Variants in BNC1 observed in about 807,000 individuals in gnomAD.
BNC1 encodes the protein basonuclin zinc finger protein 1.
A neutral mutation model predicts 66.5 loss-of-function variants in BNC1; 8 were observed. The ratio of observed to expected loss-of-function variants is 0.12; its 90% confidence interval spans 0.07 to 0.22. BNC1 has a LOEUF of 0.22. Ranked by LOEUF, BNC1 falls within the 10% of genes least tolerant of loss-of-function variation. The probability of loss-of-function intolerance (pLI) is 1.00; values close to 1 mark genes in which losing one functional copy is unlikely to be tolerated. For missense variants in BNC1, 1,069 were observed against 1,241.3 expected, an observed-to-expected ratio of 0.86 and a Z score of 2.09; for synonymous variants, 454 against 452.6, an observed-to-expected ratio of 1.00 and a Z score of -0.04.
intron 2 of BNC1, 55 bp downstream of exon 2, chr15:83,268,072 ATAACTC>A (rs1016688401): frequency 4.4e-6 from 6 of 1,374,858 alleles, no homozygotes; most frequent in South Asian, 3.6e-5. Flanking sequence ...CAGTTCCTGA[ATAACTC>A]TAAGTTACTT....
intron 1 of BNC1, among the ~76,000 whole-genome samples, chr15:83,273,853 CATAG>C (rs2038292771): frequency 6.6e-6 from 1 of 152,158 alleles, no homozygotes; most frequent in African/African-American, 2.4e-5. Flanking sequence ...TGGGTATATA[CATAG>C]ATATTCAGTG....
chr15:83,257,635 T>C lies in BNC1; in HGVS notation c.2792A>G (p.His931Arg), dbSNP rs765875423. ...SLPSGLPITC[H>R]LCQKTYSNKG... The stretch of plus-strand genomic sequence containing the variant: ...GTTACTGTATGTCTTTTGGCAGAGA[T>C]GACAGGTTATGGGCAACCCAGAAGG... The change falls in exon 5 of 5, where the codon CAT becomes CGT. Residue 931 changes from histidine to arginine, a missense_variant. Transcript: ENST00000345382. 3.1e-6 allele frequency: 5 copies of C among 1,614,056 alleles called. No homozygotes were observed. Among genetic ancestry groups the C allele is most frequent in the Middle Eastern group, 3.3e-4 (2 of 6,084 alleles).
At chr15:83,265,358 T>C (rs895279489) in intron 3 of BNC1, among the ~76,000 whole-genome samples, 7 of 152,188 alleles carry the variant, frequency 4.6e-5, no homozygotes, top group Non-Finnish European at 7.3e-5. Flanking sequence ...CACTGGAGTG[T>C]TGGAGATCTT....
intron 1 of BNC1, among the ~76,000 whole-genome samples, chr15:83,271,587 A>C (rs2038270000): frequency 2.0e-5 from 3 of 152,350 alleles, no homozygotes; most frequent in Middle Eastern, 6.8e-3. Flanking sequence ...TCCCCAAAGG[A>C]ATAAAAATTG....
chr15:83,273,671 GT>G (rs2038290008), intron 1 of BNC1, among the ~76,000 whole-genome samples: 1 of 152,260 alleles, frequency 6.6e-6, no homozygotes, highest in African/African-American at 2.4e-5. Context: ...GGAAGATTGG[GT>G]TTTGCAGTCT....
At chr15:83,260,320 GT>G (rs1007263731) in intron 4 of BNC1, among the ~76,000 whole-genome samples, 9 of 151,870 alleles carry the variant, frequency 5.9e-5, no homozygotes, top group South Asian at 2.1e-4. Context: ...AAAATGTAGG[GT>G]TTTTTTCATA....
chr15:83,265,585 T>C (rs1355285994), intron 3 of BNC1, among the ~76,000 whole-genome samples: 2 of 152,212 alleles, frequency 1.3e-5, no homozygotes, highest in African/African-American at 4.8e-5. Context: ...ATTAGGATCA[T>C]TAAATATTGA....
chr15:83,260,600 G>C (rs1334878542), intron 4 of BNC1, among the ~76,000 whole-genome samples: 1 of 152,128 alleles, frequency 6.6e-6, no homozygotes, highest in Non-Finnish European at 1.5e-5. Flanking sequence ...ACATTCAACT[G>C]TAATTGCCTG....
intron 1 of BNC1, among the ~76,000 whole-genome samples, chr15:83,273,819 C>A (rs1055955112): frequency 2.6e-5 from 4 of 152,138 alleles, no homozygotes; most frequent in African/African-American, 9.7e-5. Flanking sequence ...GAATTCCTGG[C>A]AGTGATCAGG....
chr15:83,265,874 T>C (rs770777892), intron 3 of BNC1, among the ~76,000 whole-genome samples: 3 of 152,180 alleles, frequency 2.0e-5, no homozygotes, highest in Non-Finnish European at 2.9e-5. Flanking sequence ...GTCTACAAAA[T>C]TGTTTTTAGT....
At chr15:83,279,824 GT>G (rs1219314695) in intron 1 of BNC1, among the ~76,000 whole-genome samples, 1 of 152,186 alleles carries the variant, frequency 6.6e-6, no homozygotes, top group African/African-American at 2.4e-5. Context: ...ACAAAATCTG[GT>G]TTCTCACTCC....
chr15:83,277,139 A>T (rs914829380), intron 1 of BNC1, among the ~76,000 whole-genome samples: 3 of 151,924 alleles, frequency 2.0e-5, no homozygotes, highest in African/African-American at 7.3e-5. Context: ...GAGGACAGTG[A>T]TCACTGTTCA....
chr15:83,269,432 T>C (rs966852438), intron 1 of BNC1, among the ~76,000 whole-genome samples: 6 of 151,614 alleles, frequency 4.0e-5, no homozygotes, highest in Non-Finnish European at 5.9e-5. Flanking sequence ...GAAGTGCGTG[T>C]GTGTGTGTGT....
Position 83,266,881 on chromosome 15 carries a change from G to A in BNC1, c.390C>T (p.Ala130=). 6.2e-7 allele frequency: 1 copy of A among 1,614,172 alleles called. No homozygotes were observed. Among genetic ancestry groups the A allele is most frequent in the Non-Finnish European group, 8.5e-7 (1 of 1,180,014 alleles). The part of the protein sequence containing the change: ...KQDEVLQILH[A]LDWTLQDYIR... Reference sequence around the variant, plus strand: ...TATAATCCTGAAGTGTCCAGTCCAAGGCATGGAGGATCTGGAGAACCTCAT... The same window carrying A: ...TATAATCCTGAAGTGTCCAGTCCAAAGCATGGAGGATCTGGAGAACCTCAT... Residue 130 remains alanine, a synonymous_variant, in exon 3 of 5, where the codon GCC becomes GCT. Transcript: ENST00000345382.
At chr15:83,277,849 G>T (rs1016448415) in intron 1 of BNC1, among the ~76,000 whole-genome samples, 1 of 152,056 alleles carries the variant, frequency 6.6e-6, no homozygotes, top group Non-Finnish European at 1.5e-5. Flanking sequence ...TCAAGGGTGG[G>T]AGTTAATTCT....
rs2038330543 is a variant in BNC1 at position 83,277,083 on chromosome 15, G to C, written c.99+7447C>G. ...CCAAGTTTACAATAAAAATGCTTCAGGATTTTCTTTTTTTGAGACAGGGTC... is the reference window on the plus strand; with the variant it reads ...CCAAGTTTACAATAAAAATGCTTCACGATTTTCTTTTTTTGAGACAGGGTC... On this transcript the variant is annotated intron_variant, in intron 1 of 4. Transcript: ENST00000345382. 2.0e-5 allele frequency among the ~76,000 whole-genome samples: 3 copies of C among 152,226 alleles called. No individual in the cohort carries two copies. The South Asian group carries it at 6.2e-4, about 32-fold the overall frequency.
At position 83,284,587 on chromosome 15, in the gene BNC1, G is replaced by A. The variant is rs553888762; in HGVS notation, c.42C>T (p.Ala14=). The change falls in exon 1 of 5, where the codon GCC becomes GCT. Residue 14 remains alanine, a synonymous_variant. Transcript: ENST00000345382. Reference sequence around the variant, plus strand: ...GCTGCCGGCGCGTCTCCCGGGCCCGGGCCGCCCCGCGTCCGCCCCGGCTCG... The same window carrying A: ...GCTGCCGGCGCGTCTCCCGGGCCCGAGCCGCCCCGCGTCCGCCCCGGCTCG... The part of the protein sequence containing the change: ...RPPSRGGRGA[A]RARETRRQPR... The A allele has an allele frequency of 5.9e-3, 6,193 of 1,040,982 alleles. 27 individuals are homozygous for A. The highest frequency in any genetic ancestry group is 0.012 in the Middle Eastern group (26 of 2,222). The allele number at this position is 1,040,982 out of a possible 1,614,324, so 64.5% of individuals were successfully genotyped here.
At position 83,257,398 on chromosome 15, in the gene BNC1, A is replaced by G; in HGVS notation, c.*44T>C. ...TTTCTATGGACTACTTTATTCCTGA[A>G]TTATGAAAAAAGCTTATCTGAGCAT... On this transcript the variant is annotated 3_prime_UTR_variant, in exon 5 of 5. Transcript: ENST00000345382. 3 of 1,536,778 alleles carry G rather than the reference A, an allele frequency of 2.0e-6. No homozygotes were observed. Among genetic ancestry groups the G allele is most frequent in the Non-Finnish European group, 2.6e-6 (3 of 1,133,198 alleles).
chr15:83,277,913 T>A (rs55878453), intron 1 of BNC1, among the ~76,000 whole-genome samples: 31,123 of 152,134 alleles, frequency 0.2, 3,351 homozygotes, highest in Admixed American at 0.23. Flanking sequence ...ACTTTCCTTA[T>A]TAGAACTGGA....
Sources: allele counts gnomAD v4.1 joint callset (sites outside exome capture counted in the v4.1 genomes callset), GRCh38; gene constraint gnomAD v4.1.1; transcripts MANE v1.5; gene names NCBI Gene and HGNC (gene_info 2026-07-23, HGNC 2026-07-21).